The following TPRG1L variants were observed in gnomAD, a reference collection of about 807,000 sequenced individuals.
TPRG1L encodes the protein tumor protein p63 regulated 1 like.
TPRG1L carries 25 observed loss-of-function variants against 29.4 expected under a neutral mutation model. That is an observed-to-expected ratio of 0.85 (90% CI 0.62 to 1.19). The LOEUF is 1.19. Among genes scored for constraint, TPRG1L ranks in the 50% most tolerant of loss-of-function variants. The pLI is 0.00. For missense variants in TPRG1L, 354 were observed against 364.4 expected, an observed-to-expected ratio of 0.97 and a Z score of 0.23; for synonymous variants, 182 against 151.1, an observed-to-expected ratio of 1.20 and a Z score of -1.50.
chr1:3,625,362 C>A, intron 1 of TPRG1L, 62 bp from the exon 2 acceptor site: 1 of 1,544,296 alleles, frequency 6.5e-7, no homozygotes, highest in Non-Finnish European at 8.7e-7. Context: ...CGGGCGGTCC[C>A]GCAGGGAGCG....
Position 3,625,248 on chromosome 1 carries a change from G to C in TPRG1L, c.176G>C (p.Arg59Pro). The C allele has an allele frequency of 7.3e-7, 1 of 1,364,850 alleles. No homozygotes were observed. The highest frequency in any genetic ancestry group is 1.5e-5 in the African/African-American group (1 of 64,644). 84.5% of individuals were successfully genotyped at this position (1,364,850 alleles called of 1,614,324 possible). A position where few individuals can be genotyped will look rare whatever the true frequency, so the allele number is the denominator to read the frequency against. The change falls in exon 1 of 5, where the codon CGC becomes CCC. Residue 59 changes from arginine (R) to proline (P), a missense_variant. By Grantham distance (103) the Arg-to-Pro change is moderately radical (BLOSUM62 -2). Coordinates refer to ENST00000378344, the MANE Select transcript of TPRG1L (RefSeq NM_182752.4). ...ATCCACGACCCCACGCGCCGCGCCC[G>C]CGTCAAGGAGTACTTCGTGTTCCGG... is the stretch of plus-strand genomic sequence containing the variant. ...LSIHDPTRRA[R>P]VKEYFVFRPG... is the part of the protein sequence containing the mutation.
Position 3,627,711 on chromosome 1 carries a change from C to A in TPRG1L, c.624+58C>A, listed in dbSNP as rs992424813. On this transcript the variant is annotated intron_variant, in intron 4 of 4. Coordinates refer to ENST00000378344, the MANE Select transcript of TPRG1L (RefSeq NM_182752.4). ...CCCGCAGTGATGGAAACACCCCCCG[C>A]AGTCACGGAGACACTTCAGGTCTGC... The A allele has an allele frequency of 8.1e-5, 130 of 1,602,552 alleles. 1 individual carries two copies. The South Asian group carries it at 1.4e-3, about 17-fold the overall frequency.
Position 3,627,537 on chromosome 1 carries a change from CAA to C in TPRG1L, c.510_511del (p.Arg172SerfsTer29). 1 of 1,614,050 alleles carries C rather than the reference CAA, an allele frequency of 6.2e-7. No homozygotes were observed. The highest frequency in any genetic ancestry group is 8.5e-7 in the Non-Finnish European group (1 of 1,180,014). ...TGGGATTCGAATTCAGTGGGACAAG[CAA>C]AGTCGTCCTTCCTTCATAAACAGAT... ...GFGIRIQWDK[Q>X]SRPSFINRWN... On this transcript the variant is annotated frameshift_variant, in exon 4 of 5. Coordinates refer to ENST00000378344, the MANE Select transcript of TPRG1L (RefSeq NM_182752.4). LOFTEE classifies it high-confidence loss of function.
At chr1:3,627,379 T>A in intron 3 of TPRG1L, 121 bp from the exon 4 acceptor site, 1 of 1,058,358 alleles carries the variant, frequency 9.4e-7, no homozygotes, top group Non-Finnish European at 1.4e-6. Flanking sequence ...ATGTCATAGG[T>A]CTTTTCTGTA....
At position 3,628,845 on chromosome 1, in the gene TPRG1L, ACT is replaced by A. The variant is rs1407727189; in HGVS notation, c.*246_*247del. ...ATAAGCTACAGACAAAAGCCAAAAG[ACT>A]CTCGCTGTCCCTGTGCTGCTGGTAT... On this transcript the variant is annotated 3_prime_UTR_variant, in exon 5 of 5. Coordinates refer to ENST00000378344, the MANE Select transcript of TPRG1L (RefSeq NM_182752.4). The A allele has an allele frequency of 1.7e-5, 7 of 400,254 alleles. No homozygotes were observed. Among genetic ancestry groups the A allele is most frequent in the Non-Finnish European group, 3.1e-5 (7 of 222,888 alleles). The allele number at this position is 400,254 out of a possible 1,614,324, so 24.8% of individuals were successfully genotyped here. A position where few individuals can be genotyped will look rare whatever the true frequency, so the allele number is the denominator to read the frequency against.
In TPRG1L at chr1:3,625,809, G is replaced by C; in HGVS notation, c.390G>C (p.Gln130His). ...ACGACTTCATCAGTCTCCAGTGCCA[G>C]CAGGTGGTGCGGATAGCGCTCAACG... ...CKYDFISLQC[Q>H]QVVRIALNAV... Residue 130 changes from glutamine to histidine, a missense_variant, in exon 3 of 5, where the codon CAG (glutamine) becomes CAC (histidine). By Grantham distance (24) the Gln-to-His change is conservative. Coordinates refer to ENST00000378344, the MANE Select transcript of TPRG1L (RefSeq NM_182752.4). 6.2e-7 allele frequency: 1 copy of C among 1,613,748 alleles called. No homozygotes were observed. The highest frequency in any genetic ancestry group is 1.7e-5 in the Admixed American group (1 of 60,028).
intron 3 of TPRG1L, among the ~76,000 whole-genome samples, chr1:3,626,097 G>A (rs1644486847): frequency 6.6e-6 from 1 of 152,250 alleles, no homozygotes; most frequent in African/African-American, 2.4e-5. Flanking sequence ...TTCTGGCACA[G>A]AAGGCAGCTA....
chr1:3,625,149 G>C lies in TPRG1L; in HGVS notation c.77G>C (p.Gly26Ala), dbSNP rs1377603486. The C allele has an allele frequency of 3.2e-6, 4 of 1,239,352 alleles. No homozygotes were observed. The highest frequency in any genetic ancestry group is 4.0e-6 in the Non-Finnish European group (4 of 987,702). 76.8% of individuals were successfully genotyped at this position (1,239,352 alleles called of 1,614,324 possible). A position where few individuals can be genotyped will look rare whatever the true frequency, so the allele number is the denominator to read the frequency against. Reference sequence around the variant, plus strand: ...GTGCTGGCGGCCGGCGAGGAGGTGGGGGCAGGCGGCGGCCCGGGCGGGGGG... The same window carrying C: ...GTGCTGGCGGCCGGCGAGGAGGTGGCGGCAGGCGGCGGCCCGGGCGGGGGG... The part of the protein sequence containing the change: ...TAVLAAGEEV[G>A]AGGGPGGGRP... The change falls in exon 1 of 5, where the codon GGG (glycine) becomes GCG (alanine). Residue 26 changes from glycine (G) to alanine (A), a missense_variant. Gly to Ala is a moderately conservative substitution (Grantham distance 60). Coordinates refer to ENST00000378344, the MANE Select transcript of TPRG1L (RefSeq NM_182752.4).
At chr1:3,625,384 G>C in intron 1 of TPRG1L, 40 bp from the exon 2 acceptor site, 1 of 1,553,020 alleles carries the variant, frequency 6.4e-7, no homozygotes, top group South Asian at 1.2e-5. Flanking sequence ...GCTGTGACCT[G>C]TGATCTTTGC....
Position 3,628,403 on chromosome 1 carries a change from T to C in TPRG1L, c.625-6T>C, listed in dbSNP as rs1472309342. 6.3e-7 allele frequency: 1 copy of C among 1,588,766 alleles called. No individual in the cohort carries two copies. The highest frequency in any genetic ancestry group is 1.8e-5 in the Admixed American group (1 of 56,190). ...GTTAAAGCTCCATGTTTTTCTCTCT[T>C]TAAAGTTGGAAAGCTTCAAGGCTCT... On this transcript the variant is annotated splice_region_variant and splice_polypyrimidine_tract_variant and intron_variant, in intron 4 of 4. Coordinates refer to ENST00000378344, the MANE Select transcript of TPRG1L (RefSeq NM_182752.4).
chr1:3,627,542 T>C lies in TPRG1L; in HGVS notation c.513T>C (p.Ser171=), dbSNP rs746033841. Residue 171 remains serine, a synonymous_variant, in exon 4 of 5, where the codon AGT becomes AGC. Transcript: ENST00000378344. ...TTCGAATTCAGTGGGACAAGCAAAGTCGTCCTTCCTTCATAAACAGATGGA... is the reference window on the plus strand; with the variant it reads ...TTCGAATTCAGTGGGACAAGCAAAGCCGTCCTTCCTTCATAAACAGATGGA... The part of the protein sequence containing the change: ...FGIRIQWDKQ[S]RPSFINRWNP... 3.1e-6 allele frequency: 5 copies of C among 1,613,966 alleles called. No homozygotes were observed. The highest frequency in any genetic ancestry group is 3.3e-5 in the Admixed American group (2 of 60,006).
rs1276789930 is a variant in TPRG1L at position 3,628,516 on chromosome 1, C to A, written c.732C>A (p.Leu244=). ...TGCTGATCCTGGAGCGCCCCCTGCT[C>A]ATCGAGACCTACGTGGGACTCATGT... The part of the protein sequence containing the change: ...NGVLILERPL[L]IETYVGLMSF... The change falls in exon 5 of 5, where the codon CTC becomes CTA. Residue 244 remains leucine, a synonymous_variant. Coordinates refer to ENST00000378344, the MANE Select transcript of TPRG1L (RefSeq NM_182752.4). The A allele has an allele frequency of 6.2e-7, 1 of 1,614,126 alleles. No homozygotes were observed. Among genetic ancestry groups the A allele is most frequent in the South Asian group, 1.1e-5 (1 of 91,080 alleles).
At chr1:3,627,239 G>A (rs1644496093) in intron 3 of TPRG1L, among the ~76,000 whole-genome samples, 1 of 152,164 alleles carries the variant, frequency 6.6e-6, no homozygotes, top group Admixed American at 6.5e-5. Flanking sequence ...GAACCCAGGA[G>A]GTGGAGGATG....
chr1:3,625,967 C>T (rs956850982), intron 3 of TPRG1L, 78 bp downstream of exon 3: 4 of 1,376,858 alleles, frequency 2.9e-6, no homozygotes, highest in Non-Finnish European at 3.9e-6. Flanking sequence ...TTAAATCAGC[C>T]CCCCAAGCGG....
intron 3 of TPRG1L, 135 bp from the exon 4 acceptor site, chr1:3,627,365 T>G: frequency 3.3e-6 from 3 of 899,446 alleles, no homozygotes; most frequent in East Asian, 2.5e-5. Flanking sequence ...TTTTCCATTG[T>G]GATATGTCAT....
At position 3,625,894 on chromosome 1, in the gene TPRG1L, G is replaced by A. The variant is rs780168628; in HGVS notation, c.470+5G>A. 1.9e-6 allele frequency: 3 copies of A among 1,608,120 alleles called. No homozygotes were observed. The East Asian group carries it at 6.7e-5, about 36-fold the overall frequency. On this transcript the variant is annotated splice_donor_5th_base_variant and intron_variant, in intron 3 of 4. Coordinates refer to ENST00000378344, the MANE Select transcript of TPRG1L (RefSeq NM_182752.4). The stretch of plus-strand genomic sequence containing the variant: ...TCCCCCTAAATCGCTCAACAAGTAA[G>A]CCTGTTCAGAGTCCAGTATCACTGG...
rs201126720 is a variant in TPRG1L at position 3,625,757 on chromosome 1, C to T, written c.338C>T (p.Thr113Met). The T allele has an allele frequency of 5.3e-5, 86 of 1,613,330 alleles. No homozygotes were observed. Among genetic ancestry groups the T allele is most frequent in the Admixed American group, 3.8e-4 (23 of 60,024 alleles). Residue 113 changes from threonine to methionine, a missense_variant, in exon 3 of 5, where the codon ACG becomes ATG. Transcript: ENST00000378344. ...GAGAAGGAGCGGCTGGTGCTGGTCA[C>T]GGAGCAGTCCCTGCTTATCTGTAAA... is the stretch of plus-strand genomic sequence containing the variant. ...NNEKERLVLV[T>M]EQSLLICKYD...
rs1644510638 is a variant in TPRG1L at position 3,629,545 on chromosome 1, G to C, written c.*942G>C. 6.6e-6 allele frequency: 1 copy of C among 150,484 alleles called. No individual in the cohort carries two copies. The highest frequency in any genetic ancestry group is 6.6e-5 in the Admixed American group (1 of 15,052). The allele number at this position is 150,484 out of a possible 1,614,324, so 9.3% of individuals were successfully genotyped here. On this transcript the variant is annotated 3_prime_UTR_variant, in exon 5 of 5. Transcript: ENST00000378344. ...GTTGCAGAGCAGCCTGGGCAACATG[G>C]TGAAACCCGTCTCTACCAAACAGAC...
Position 3,625,785 on chromosome 1 carries a change from C to T in TPRG1L, c.366C>T (p.Tyr122=). The part of the protein sequence containing the change: ...VTEQSLLICK[Y]DFISLQCQQV... ...AGCAGTCCCTGCTTATCTGTAAATA[C>T]GACTTCATCAGTCTCCAGTGCCAGC... Residue 122 remains tyrosine, a synonymous_variant, in exon 3 of 5, where the codon TAC becomes TAT. Coordinates refer to ENST00000378344, the MANE Select transcript of TPRG1L (RefSeq NM_182752.4). The T allele has an allele frequency of 6.2e-7, 1 of 1,613,756 alleles. No homozygotes were observed. Among genetic ancestry groups the T allele is most frequent in the Non-Finnish European group, 8.5e-7 (1 of 1,180,012 alleles).
Sources: gnomAD v4.1 joint callset for allele counts (sites outside exome capture counted in the v4.1 genomes callset) on GRCh38, gnomAD v4.1.1 for gene constraint, MANE v1.5 for transcripts, NCBI Gene and HGNC (gene_info 2026-07-23, HGNC 2026-07-21) for gene names.